The following LTBP1 variants were observed in gnomAD, a reference collection of about 807,000 sequenced individuals.
LTBP1 encodes the protein latent transforming growth factor beta binding protein 1.
A neutral mutation model predicts 207.6 loss-of-function variants in LTBP1; 129 were observed. The observed-to-expected ratio is 0.62, with a 90% CI of 0.54 to 0.72. The LOEUF is 0.72. LTBP1 is among the 30% of genes least tolerant of loss of function. The pLI is 0.00. For synonymous variants in LTBP1, 963 were observed against 833.7 expected (o/e 1.16, Z -2.67); for missense variants, 2,281 against 2,217.2 (o/e 1.03, Z -0.58).
At chr2:32,968,486 CCTTA>C (rs374984760) in intron 2 of LTBP1, among the ~76,000 whole-genome samples, 22 of 151,994 alleles carry the variant, frequency 1.4e-4, no homozygotes, top group Admixed American at 4.6e-4. Flanking sequence ...TTTTTTCATC[CCTTA>C]CTTTTCATTT....
At position 33,144,263 on chromosome 2, in the gene LTBP1, G is replaced by A. The variant is rs754136685; in HGVS notation, c.1201+9303G>A. On this transcript the variant is annotated intron_variant, in intron 5 of 33. Transcript: ENST00000404816. ...CTTTACCCCTTCACTTTGGTGCTCC[G>A]GTAGGAGCGCACAGAAGGTTCTGTA... 5.3e-5 allele frequency among the ~76,000 whole-genome samples: 8 copies of A among 152,110 alleles called. No homozygotes were observed. The South Asian group carries it at 6.2e-4, about 12-fold the overall frequency.
chr2:33,194,286 C>G (rs2088285058), intron 7 of LTBP1, among the ~76,000 whole-genome samples: 1 of 152,086 alleles, frequency 6.6e-6, no homozygotes, highest in African/African-American at 2.4e-5. Flanking sequence ...AGCCCGGCCA[C>G]ATCTCTCACT....
Position 33,186,951 on chromosome 2 carries a change from C to G in LTBP1, c.1297C>G (p.Pro433Ala). The change falls in exon 6 of 34, where the codon CCA (proline) becomes GCA (alanine). Residue 433 changes from proline (P) to alanine (A), a missense_variant. Transcript: ENST00000404816. ...TTTCACAGGAAAACTTTGTCAGATC[C>G]CAGTCCATGGTGCCAGCGTGCCTAA... ...PNFTGKLCQIPVHGASVPKLY... is the reference protein window; with the variant it reads ...PNFTGKLCQIAVHGASVPKLY... 6.2e-7 allele frequency: 1 copy of G among 1,614,156 alleles called. No homozygotes were observed. Among genetic ancestry groups the G allele is most frequent in the South Asian group, 1.1e-5 (1 of 91,080 alleles).
chr2:33,343,410 CAAA>C (rs60879811), intron 25 of LTBP1, among the ~76,000 whole-genome samples: 9 of 97,220 alleles, frequency 9.3e-5, no homozygotes, highest in Admixed American at 1.2e-4. Flanking sequence ...GACCCTGTCT[CAAA>C]AAAAAAAAAA....
At chr2:33,195,821 G>A (rs1573103247) in intron 7 of LTBP1, among the ~76,000 whole-genome samples, 1 of 152,152 alleles carries the variant, frequency 6.6e-6, no homozygotes, top group East Asian at 1.9e-4. Context: ...GAAGGGTCAG[G>A]TAAAGCTGCA....
intron 16 of LTBP1, among the ~76,000 whole-genome samples, chr2:33,274,028 A>G (rs2148381865): frequency 6.6e-6 from 1 of 152,336 alleles, no homozygotes; most frequent in East Asian, 1.9e-4. Flanking sequence ...ATAATTTCCA[A>G]AAGCTTTTTG....
rs1425726153 is a variant in LTBP1, at chr2:33,397,712, C to A, written c.4984+430C>A. 4.3e-5 allele frequency among the ~76,000 whole-genome samples: 6 copies of A among 139,660 alleles called. No homozygotes were observed. The Admixed American group carries it at 4.5e-4, about 11-fold the overall frequency. The allele number at this position is 139,660 out of a possible 152,430, so 91.6% of individuals were successfully genotyped here. On this transcript the variant is annotated intron_variant, in intron 33 of 33. Coordinates refer to ENST00000404816, the MANE Select transcript of LTBP1 (RefSeq NM_206943.4). ...TTTTTTTTTGTATTTTTAGTAGAGACGGGATTTCACCGTGTTAGCCAGGAT... is the reference window on the plus strand; with the variant it reads ...TTTTTTTTTGTATTTTTAGTAGAGAAGGGATTTCACCGTGTTAGCCAGGAT...
chr2:32,956,673 C>G (rs1051025461), intron 2 of LTBP1, among the ~76,000 whole-genome samples: 3 of 152,168 alleles, frequency 2.0e-5, no homozygotes, highest in Admixed American at 6.5e-5. Flanking sequence ...AATCTCCTCC[C>G]GTAAATCATG....
rs1259156792 is a variant in LTBP1 at position 33,056,489 on chromosome 2, G to A, written c.863+35283G>A. 5 of 770,168 alleles carry A rather than the reference G, an allele frequency of 6.5e-6. No homozygotes were observed. The South Asian group carries it at 6.9e-5, about 11-fold the overall frequency. 47.7% of individuals were successfully genotyped at this position (770,168 alleles called of 1,614,324 possible). Reference sequence around the variant, plus strand: ...CCAGCTGGAGGTGATGAGGGATGATGCGCGTCTTCTTCTTGTCCCTTCGTG... The same window carrying A: ...CCAGCTGGAGGTGATGAGGGATGATACGCGTCTTCTTCTTGTCCCTTCGTG... On this transcript the variant is annotated intron_variant, in intron 3 of 33. Coordinates refer to ENST00000404816, the MANE Select transcript of LTBP1 (RefSeq NM_206943.4).
In LTBP1 at chr2:33,188,670, C is replaced by G. The variant is rs756363567; in HGVS notation, c.1520C>G (p.Thr507Arg). Residue 507 changes from threonine to arginine, a missense_variant, in exon 7 of 34, where the codon ACA (threonine) becomes AGA (arginine). This residue lies in a region of LTBP1 where 1,671 missense variants were observed against 1,634.8 expected (regional missense o/e 1.02). Transcript: ENST00000404816. ...CAGGTTTCAAGAATTGATGGCCCAACAGGCCAGAAGACAAAAGAAGCTCAA... is the reference window on the plus strand; with the variant it reads ...CAGGTTTCAAGAATTGATGGCCCAAGAGGCCAGAAGACAAAAGAAGCTCAA... Reference protein sequence around the residue: ...IHQVSRIDGPTGQKTKEAQPG... With the variant: ...IHQVSRIDGPRGQKTKEAQPG... 3 of 1,614,128 alleles carry G rather than the reference C, an allele frequency of 1.9e-6. No individual in the cohort carries two copies. The highest frequency in any genetic ancestry group is 3.3e-4 in the Middle Eastern group (2 of 6,062).
rs574319199 is a variant in LTBP1, at chr2:33,206,365, T to C, written c.1702-11187T>C. ...CAATTTCACATAGTGCTATGAGGCC[T>C]AAAATGTTTTTGGTTCCTTTGATTA... On this transcript the variant is annotated intron_variant, in intron 7 of 33. Coordinates refer to ENST00000404816, the MANE Select transcript of LTBP1 (RefSeq NM_206943.4). Among the ~76,000 whole-genome samples, 127 of 152,310 alleles carry C rather than the reference T, an allele frequency of 8.3e-4. 1 individual carries two copies. Among genetic ancestry groups the C allele is most frequent in the South Asian group, 2.1e-3 (10 of 4,822 alleles).
At chr2:33,320,551 A>G (rs1428616353) in intron 24 of LTBP1, among the ~76,000 whole-genome samples, 1 of 152,188 alleles carries the variant, frequency 6.6e-6, no homozygotes, top group Non-Finnish European at 1.5e-5. Flanking sequence ...GAGTGAAGAA[A>G]TGAAGCCATA....
At chr2:33,206,431 C>G (rs993411592) in intron 7 of LTBP1, among the ~76,000 whole-genome samples, 2 of 152,086 alleles carry the variant, frequency 1.3e-5, no homozygotes, top group African/African-American at 2.4e-5. Context: ...AGATTTATCT[C>G]AATATGGTTG....
At chr2:33,051,718 C>T (rs773956936) in intron 3 of LTBP1, among the ~76,000 whole-genome samples, 6 of 152,110 alleles carry the variant, frequency 3.9e-5, no homozygotes, top group Non-Finnish European at 5.9e-5. Context: ...TCTGGGTTTG[C>T]AGAGCTGGCT....
At chr2:33,029,324 A>G (rs2075580054) in intron 3 of LTBP1, among the ~76,000 whole-genome samples, 1 of 152,100 alleles carries the variant, frequency 6.6e-6, no homozygotes, top group Non-Finnish European at 1.5e-5. Flanking sequence ...TAAAAATACA[A>G]AAATTAGTTG....
chr2:33,371,683 T>C (rs1441149983), intron 31 of LTBP1, among the ~76,000 whole-genome samples: 1 of 152,216 alleles, frequency 6.6e-6, no homozygotes, highest in Non-Finnish European at 1.5e-5. Flanking sequence ...AACTAACATA[T>C]ACATAGCACA....
intron 3 of LTBP1, among the ~76,000 whole-genome samples, chr2:33,096,256 A>G (rs1482235422): frequency 6.6e-6 from 1 of 152,174 alleles, no homozygotes; most frequent in Non-Finnish European, 1.5e-5. Flanking sequence ...AACTATCTAT[A>G]CTCAGAATTC....
chr2:33,022,042 C>T (rs1427405098), intron 3 of LTBP1, among the ~76,000 whole-genome samples: 1 of 152,128 alleles, frequency 6.6e-6, no homozygotes. Context: ...ATGGGCTTGA[C>T]GTAGCAGTTC....
At chr2:33,389,420 G>A in intron 32 of LTBP1, 114 bp downstream of exon 32, 1 of 1,419,020 alleles carries the variant, frequency 7.0e-7, no homozygotes. Context: ...TCCCACCCCA[G>A]ACCTGCTGGT....
Sources: gnomAD v4.1 joint callset for allele counts (sites outside exome capture counted in the v4.1 genomes callset) on GRCh38, gnomAD v4.1.1 for gene constraint, gnomAD v4.1.1 regional missense constraint, MANE v1.5 for transcripts, NCBI Gene and HGNC (gene_info 2026-07-23, HGNC 2026-07-21) for gene names.